RUBCN: variants seen among roughly 807,000 people sequenced by gnomAD.
RUBCN encodes run domain Beclin-1-interacting and cysteine-rich domain-containing protein.
Under a neutral mutation model 113.2 loss-of-function variants are expected in RUBCN, and 74 were observed. That is an observed-to-expected ratio of 0.65 (90% confidence interval 0.54 to 0.79). The LOEUF (loss-of-function observed/expected upper bound fraction) is 0.79, where lower values mean the gene tolerates loss of function less well. RUBCN is among the 30% of genes least tolerant of loss of function. The pLI is 0.00. For synonymous variants in RUBCN, 480 were observed against 490.0 expected (o/e 0.98, Z 0.27); for missense variants, 1,109 against 1,251.7 (o/e 0.89, Z 1.72).
upstream of RUBCN, among the ~76,000 whole-genome samples, chr3:197,739,036 G>A (rs955818617): frequency 6.6e-6 from 1 of 151,496 alleles, no homozygotes; most frequent in African/African-American, 2.4e-5. Flanking sequence ...GCGCGATCGG[G>A]TTCAAGCGAT....
At chr3:197,720,598 G>T (rs188022968) in intron 1 of RUBCN, among the ~76,000 whole-genome samples, 89 of 152,130 alleles carry the variant, frequency 5.9e-4, no homozygotes, top group African/African-American at 2.0e-3. Context: ...AGTTAGATGG[G>T]GTTTCTCCAT....
At chr3:197,722,750 C>A (rs2108973472) in intron 1 of RUBCN, among the ~76,000 whole-genome samples, 1 of 152,114 alleles carries the variant, frequency 6.6e-6, no homozygotes, top group East Asian at 1.9e-4. Flanking sequence ...GATTTGAAGT[C>A]TATTTTCTCT....
chr3:197,700,981 G>A lies in RUBCN; in HGVS notation c.893C>T (p.Thr298Ile). Reference protein sequence around the residue: ...PLTPNEMSSSTLTSPIEASWV... With the variant: ...PLTPNEMSSSILTSPIEASWV... The stretch of plus-strand genomic sequence containing the variant: ...GGATGCCTCTATGGGGCTGGTCAGA[G>A]TACTGGAGCTCATTTCATTTGGGGT... Residue 298 changes from threonine (T) to isoleucine (I), a missense_variant, in exon 7 of 20, where the codon ACT becomes ATT. Physicochemically the swap from Thr to Ile is moderately conservative, Grantham distance 89. This residue lies in a region of RUBCN where 736 missense variants were observed against 779.6 expected (regional missense o/e 0.94). Coordinates refer to ENST00000296343, the MANE Select transcript of RUBCN (RefSeq NM_014687.4). 8 of 1,614,196 alleles carry A rather than the reference G, an allele frequency of 5.0e-6. No homozygotes were observed. The highest frequency in any genetic ancestry group is 6.8e-6 in the Non-Finnish European group (8 of 1,180,046).
chr3:197,709,864 A>T (rs980539878), intron 2 of RUBCN, among the ~76,000 whole-genome samples: 1 of 152,088 alleles, frequency 6.6e-6, no homozygotes, highest in Non-Finnish European at 1.5e-5. Flanking sequence ...CCATGGGAAA[A>T]CACTCTTAAT....
chr3:197,737,731 T>G (rs181830823), upstream of RUBCN, among the ~76,000 whole-genome samples: 1 of 152,184 alleles, frequency 6.6e-6, no homozygotes, highest in East Asian at 1.9e-4. Flanking sequence ...TTTGACAATG[T>G]GGACAGGAGA....
At chr3:197,745,639 T>G (rs1319321988) in intron 1 of RUBCN, among the ~76,000 whole-genome samples, 1 of 147,114 alleles carries the variant, frequency 6.8e-6, no homozygotes, top group South Asian at 2.1e-4. Flanking sequence ...CAAATCAAAC[T>G]GATAAAAAGT....
rs868625522 is a variant in RUBCN at position 197,714,622 on chromosome 3, G to A, written c.219+3355C>T. Among the ~76,000 whole-genome samples the A allele has an allele frequency of 7.2e-5, 11 of 152,110 alleles. No homozygotes were observed. The East Asian group carries it at 1.2e-3, about 16-fold the overall frequency. On this transcript the variant is annotated intron_variant, in intron 2 of 19. Coordinates refer to ENST00000296343, the MANE Select transcript of RUBCN (RefSeq NM_014687.4). Reference sequence around the variant, plus strand: ...TAGAATTATAGGCATGAACCACCACGCGCAGCCAAGTATACACACTTTAAT... The same window carrying A: ...TAGAATTATAGGCATGAACCACCACACGCAGCCAAGTATACACACTTTAAT...
rs1451522942 is a variant in RUBCN at position 197,718,072 on chromosome 3, T to C, written c.124A>G (p.Thr42Ala). The C allele has an allele frequency of 1.2e-6, 2 of 1,614,234 alleles. No homozygotes were observed. The highest frequency in any genetic ancestry group is 1.7e-4 in the Middle Eastern group (1 of 6,058). Residue 42 changes from threonine (T) to alanine (A), a missense_variant, in exon 2 of 20, where the codon ACC becomes GCC. Transcript: ENST00000296343. Reference sequence around the variant, plus strand: ...TTAGACCAGACGTTGGGGCTGTTGGTTGATACCAAACCCTCCACCGTCGTC... The same window carrying C: ...TTAGACCAGACGTTGGGGCTGTTGGCTGATACCAAACCCTCCACCGTCGTC... ...LKTTVEGLVS[T>A]NSPNVWSKYG...
chr3:197,724,024 G>C (rs1236054167), intron 1 of RUBCN, among the ~76,000 whole-genome samples: 6 of 152,164 alleles, frequency 3.9e-5, no homozygotes, highest in Non-Finnish European at 8.8e-5. Context: ...CTTGAACCTG[G>C]GGGGCGGCCT....
chr3:197,741,134 A>C (rs1157027688), upstream of RUBCN, among the ~76,000 whole-genome samples: 1 of 152,188 alleles, frequency 6.6e-6, no homozygotes, highest in East Asian at 1.9e-4. Flanking sequence ...ATGGGGACCT[A>C]AAAAAATAGT....
chr3:197,696,616 T>C (rs1246138218), intron 8 of RUBCN, among the ~76,000 whole-genome samples: 1 of 151,764 alleles, frequency 6.6e-6, no homozygotes, highest in African/African-American at 2.4e-5. Flanking sequence ...CCACATAGAG[T>C]CTGTCTGCTG....
intron 9 of RUBCN, 45 bp from the exon 10 acceptor site, chr3:197,694,630 G>T: frequency 1.3e-6 from 2 of 1,497,088 alleles, no homozygotes; most frequent in Non-Finnish European, 1.9e-6. Flanking sequence ...TAGAAGTATT[G>T]AATGACATAC....
At chr3:197,730,885 C>CTTTTTTTTTTT (rs71166707) in intron 1 of RUBCN, among the ~76,000 whole-genome samples, 29 of 50,000 alleles carry the variant, frequency 5.8e-4, no homozygotes, top group African/African-American at 8.8e-4. Flanking sequence ...TTAAAAGCAT[C>CTTTTTTTTTTT]TTTTTTTTTT....
At chr3:197,710,893 A>T (rs1428312211) in intron 2 of RUBCN, among the ~76,000 whole-genome samples, 1 of 151,614 alleles carries the variant, frequency 6.6e-6, no homozygotes, top group Non-Finnish European at 1.5e-5. Context: ...ATCTTGGCTC[A>T]CTGCAAACTC....
At chr3:197,679,848 TGTCCTACGCTCTGACAACTGGCTC>T (rs1720990472) in intron 16 of RUBCN, among the ~76,000 whole-genome samples, 1 of 148,204 alleles carries the variant, frequency 6.7e-6, no homozygotes, top group African/African-American at 2.5e-5. Context: ...GGCTCCAGAC[TGTCCTACGCTCTGACAACTGGCTC>T]CAGACTGTCC....
intron 2 of RUBCN, among the ~76,000 whole-genome samples, chr3:197,714,631 A>G (rs1725317651): frequency 6.6e-6 from 1 of 152,192 alleles, no homozygotes; most frequent in South Asian, 2.1e-4. Context: ...CGCGCAGCCA[A>G]GTATACACAC....
At position 197,699,331 on chromosome 3, in the gene RUBCN, G is replaced by A. The variant is rs1276396448; in HGVS notation, c.1261+1282C>T. On this transcript the variant is annotated intron_variant, in intron 7 of 19. Transcript: ENST00000296343. ...CTAAATTTTACCCAGCAGAAGTGGGGATGGAACTCCCAAGAGGAAACCCCA... is the reference window on the plus strand; with the variant it reads ...CTAAATTTTACCCAGCAGAAGTGGGAATGGAACTCCCAAGAGGAAACCCCA... 7 of 831,572 alleles carry A rather than the reference G, an allele frequency of 8.4e-6. No homozygotes were observed. The Admixed American group carries it at 1.1e-4, about 13-fold the overall frequency. The allele number at this position is 831,572 out of a possible 1,614,324, so 51.5% of individuals were successfully genotyped here. A position where few individuals can be genotyped will look rare whatever the true frequency, so the allele number is the denominator to read the frequency against.
rs1187789422 is a variant in RUBCN at position 197,670,672 on chromosome 3, G to T, written c.*4346C>A. Among the ~76,000 whole-genome samples the T allele has an allele frequency of 6.6e-6, 1 of 152,180 alleles. No homozygotes were observed. Among genetic ancestry groups the T allele is most frequent in the East Asian group, 1.9e-4 (1 of 5,204 alleles). On this transcript the variant is annotated 3_prime_UTR_variant, in exon 20 of 20. Coordinates refer to ENST00000296343, the MANE Select transcript of RUBCN (RefSeq NM_014687.4). The stretch of plus-strand genomic sequence containing the variant: ...TATCAACTTCAGCAGTCTTTCACAT[G>T]GCTTTTTCATTCTCCTCTCAGTTTA...
At chr3:197,710,866 T>A (rs1193767131) in intron 2 of RUBCN, among the ~76,000 whole-genome samples, 1 of 152,104 alleles carries the variant, frequency 6.6e-6, no homozygotes, top group African/African-American at 2.4e-5. Context: ...TCGCCCAGGC[T>A]GGAATGCAGT....
Sources: allele counts gnomAD v4.1 joint callset (sites outside exome capture counted in the v4.1 genomes callset), GRCh38; gene constraint gnomAD v4.1.1; regional missense constraint gnomAD v4.1.1; transcripts MANE v1.5; gene names NCBI Gene and HGNC (gene_info 2026-07-23, HGNC 2026-07-21).